SP140L: variants seen among roughly 807,000 people sequenced by gnomAD.
The protein encoded by SP140L is nuclear body protein SP140-like protein.
SP140L carries 64 observed loss-of-function variants against 84.3 expected under a neutral mutation model. The observed-to-expected ratio is 0.76, with a 90% CI of 0.62 to 0.94. SP140L has a LOEUF of 0.94. SP140L is among the 40% of genes least tolerant of loss of function. SP140L has a pLI of 0.00. For missense variants in SP140L, 628 were observed against 692.5 expected (o/e 0.91, Z 1.05); for synonymous variants, 242 against 236.9 (o/e 1.02, Z -0.20).
intron 11 of SP140L, 34 bp from the exon 12 acceptor site, chr2:230,392,053 G>C: frequency 6.2e-7 from 1 of 1,612,866 alleles, no homozygotes; most frequent in Non-Finnish European, 8.5e-7. Context: ...TGGGAACAAA[G>C]AGGGCTCAGG....
intron 3 of SP140L, among the ~76,000 whole-genome samples, chr2:230,358,616 C>T (rs2060620403): frequency 6.6e-6 from 1 of 152,058 alleles, no homozygotes; most frequent in African/African-American, 2.4e-5. Flanking sequence ...CAGGGGTTGC[C>T]CAGCCAACAA....
intron 13 of SP140L, among the ~76,000 whole-genome samples, chr2:230,395,392 C>G (rs920059196): frequency 1.3e-5 from 2 of 151,910 alleles, no homozygotes; most frequent in Non-Finnish European, 2.9e-5. Flanking sequence ...AACCTGGACA[C>G]ATCGTGAGAT....
In SP140L at chr2:230,402,818, G is replaced by A; in HGVS notation, c.1665G>A (p.Met555Ile). Residue 555 changes from methionine to isoleucine, a missense_variant, in exon 19 of 19, where the codon ATG becomes ATA. Around this residue, in one of 4 missense-constraint regions of SP140L, gnomAD observed 44 missense variants for 36.1 expected, o/e 1.22. Transcript: ENST00000415673. The part of the protein sequence containing the change: ...ASYKYKDFGQ[M>I]GLRLEAEFEK... ...TCCAGTATAAGGATTTTGGCCAAAT[G>A]GGACTTAGACTGGAGGCTGAATTTG... The A allele has an allele frequency of 6.2e-7, 1 of 1,611,768 alleles. No individual in the cohort carries two copies. Among genetic ancestry groups the A allele is most frequent in the Admixed American group, 1.7e-5 (1 of 59,332 alleles).
At chr2:230,390,379 G>T (rs1156829589) in intron 11 of SP140L, among the ~76,000 whole-genome samples, 1 of 152,186 alleles carries the variant, frequency 6.6e-6, no homozygotes, top group Non-Finnish European at 1.5e-5. Context: ...TGTCACCAAG[G>T]CAGGGTGCTT....
chr2:230,402,256 A>T (rs565555317), intron 18 of SP140L, among the ~76,000 whole-genome samples: 1 of 152,306 alleles, frequency 6.6e-6, no homozygotes, highest in East Asian at 1.9e-4. Flanking sequence ...CAGATCAGTG[A>T]TCTTACCTTA....
chr2:230,399,538 G>A (rs1198411595), intron 14 of SP140L, among the ~76,000 whole-genome samples: 1 of 152,176 alleles, frequency 6.6e-6, no homozygotes, highest in African/African-American at 2.4e-5. Flanking sequence ...GAGCCGAAGA[G>A]CTCTGTGCTC....
chr2:230,362,662 C>G (rs1376465981), intron 5 of SP140L, among the ~76,000 whole-genome samples: 1 of 152,158 alleles, frequency 6.6e-6, no homozygotes, highest in Non-Finnish European at 1.5e-5. Flanking sequence ...ATGCTCCTGA[C>G]TGCCATGGAG....
At chr2:230,332,787 C>T (rs551917057) in intron 2 of SP140L, among the ~76,000 whole-genome samples, 9 of 152,148 alleles carry the variant, frequency 5.9e-5, no homozygotes, top group Non-Finnish European at 8.8e-5. Flanking sequence ...TTATCAATTC[C>T]GTTTTATTTT....
In SP140L at chr2:230,358,991, G is replaced by C. The variant is rs1281678996; in HGVS notation, c.298G>C (p.Val100Leu). The change falls in exon 4 of 19, where the codon GTC (valine) becomes CTC (leucine). Residue 100 changes from valine to leucine, a missense_variant. Physicochemically the swap from Val to Leu is conservative, Grantham distance 32. Transcript: ENST00000415673. ...EDSEDSCRNL[V>L]PVQRVVYNVL... ...TTCTGAAGATTCTTGTAGAAACCTG[G>C]TCCCTGTACAAAGAGTGGTGTACAA... The C allele has an allele frequency of 6.3e-7, 1 of 1,599,036 alleles. No homozygotes were observed. Among genetic ancestry groups the C allele is most frequent in the South Asian group, 1.1e-5 (1 of 87,682 alleles).
At chr2:230,334,442 C>G (rs2059810057) in intron 2 of SP140L, among the ~76,000 whole-genome samples, 1 of 152,090 alleles carries the variant, frequency 6.6e-6, no homozygotes, top group South Asian at 2.1e-4. Flanking sequence ...TCACAGGGAA[C>G]AAAGATGAAT....
At chr2:230,396,956 G>T (rs1180716970) in intron 14 of SP140L, among the ~76,000 whole-genome samples, 158 bp downstream of exon 14, 1 of 152,178 alleles carries the variant, frequency 6.6e-6, no homozygotes. Context: ...AGGTAGATGT[G>T]CTTGGGCCTT....
intron 13 of SP140L, among the ~76,000 whole-genome samples, chr2:230,396,078 T>C (rs1008614317): frequency 2.6e-5 from 4 of 152,168 alleles, no homozygotes; most frequent in African/African-American, 4.8e-5. Context: ...CTGATTATTA[T>C]TGCAACTCCT....
At chr2:230,367,452 A>G (rs10207975) in intron 5 of SP140L, among the ~76,000 whole-genome samples, 1 of 151,468 alleles carries the variant, frequency 6.6e-6, no homozygotes, top group African/African-American at 2.4e-5. Context: ...GCCACCACAC[A>G]TGGCTAATTT....
intron 7 of SP140L, among the ~76,000 whole-genome samples, chr2:230,375,469 A>G (rs569541934): frequency 6.6e-6 from 1 of 152,288 alleles, no homozygotes; most frequent in Middle Eastern, 3.4e-3. Flanking sequence ...AGAAACCTCC[A>G]TACTCTTTTC....
chr2:230,400,102 A>G, intron 14 of SP140L, 25 bp from the exon 15 acceptor site: 6 of 1,612,770 alleles, frequency 3.7e-6, no homozygotes, highest in South Asian at 1.1e-5. Context: ...ATTCCCAGTG[A>G]CGTGGACACT....
At chr2:230,339,307 A>G (rs2059965743) in intron 2 of SP140L, among the ~76,000 whole-genome samples, 1 of 151,374 alleles carries the variant, frequency 6.6e-6, no homozygotes, top group South Asian at 2.1e-4. Context: ...GTATTCTCTG[A>G]TGGTAGTTTG....
In SP140L at chr2:230,327,212, C is replaced by T. The variant is rs1575415374; in HGVS notation, c.-58C>T. The stretch of plus-strand genomic sequence containing the variant: ...GCAGCCACACTGCACGCAGGCTGGG[C>T]CGACTGGGGAGCTCATAGGCCAGGC... On this transcript the variant is annotated 5_prime_UTR_variant, in exon 1 of 19. Transcript: ENST00000415673. 2.5e-6 allele frequency: 4 copies of T among 1,569,728 alleles called. No individual in the cohort carries two copies. In the Admixed American group the frequency reaches 5.6e-5, roughly 22 times the overall value.
chr2:230,397,958 A>G (rs1282705725), intron 14 of SP140L, among the ~76,000 whole-genome samples: 1 of 152,120 alleles, frequency 6.6e-6, no homozygotes, highest in African/African-American at 2.4e-5. Flanking sequence ...AGGTATGGTC[A>G]CCCCTATTAA....
intron 7 of SP140L, among the ~76,000 whole-genome samples, chr2:230,381,410 A>G (rs2061401368): frequency 6.6e-6 from 1 of 152,202 alleles, no homozygotes; most frequent in South Asian, 2.1e-4. Context: ...TGATACCGTG[A>G]GTACAGAAAT....
Sources: gnomAD v4.1 joint callset for allele counts (sites outside exome capture counted in the v4.1 genomes callset) on GRCh38, gnomAD v4.1.1 for gene constraint, gnomAD v4.1.1 regional missense constraint, MANE v1.5 for transcripts, NCBI Gene and HGNC (gene_info 2026-07-23, HGNC 2026-07-21) for gene names.